The following PRKAR2A variants were observed in gnomAD, a reference collection of about 807,000 sequenced individuals.
The protein encoded by PRKAR2A is cAMP-dependent protein kinase type II-alpha regulatory subunit.
Under a neutral mutation model 51.9 loss-of-function variants are expected in PRKAR2A, and 29 were observed. The observed-to-expected ratio is 0.56, with a 90% CI of 0.42 to 0.76. PRKAR2A has a LOEUF of 0.76. Among genes scored for constraint, PRKAR2A ranks in the 30% least tolerant of loss-of-function variants. PRKAR2A has a pLI of 0.00. For missense variants in PRKAR2A, 445 were observed against 512.1 expected (o/e 0.87, Z 1.26); for synonymous variants, 178 against 186.2 (o/e 0.96, Z 0.36).
intron 2 of PRKAR2A, among the ~76,000 whole-genome samples, chr3:48,805,176 G>C (rs2082653578): frequency 1.3e-5 from 2 of 152,116 alleles, no homozygotes; most frequent in African/African-American, 4.8e-5. Flanking sequence ...GTCTCCCAAA[G>C]TGCTGGGATT....
chr3:48,797,272 G>A (rs1204157273), intron 2 of PRKAR2A, among the ~76,000 whole-genome samples: 2 of 152,014 alleles, frequency 1.3e-5, no homozygotes, highest in African/African-American at 4.8e-5. Flanking sequence ...AGGTTCAAGT[G>A]ATTCTCCTGC....
chr3:48,795,072 G>A (rs2082468846), intron 2 of PRKAR2A, among the ~76,000 whole-genome samples: 2 of 151,968 alleles, frequency 1.3e-5, no homozygotes, highest in African/African-American at 4.8e-5. Context: ...CGCCTCTCAG[G>A]TTCACACCAT....
At chr3:48,752,916 CTTTTTTTTTTTTTTTTTTT>C (rs59163654) in intron 9 of PRKAR2A, among the ~76,000 whole-genome samples, 31 of 47,552 alleles carry the variant, frequency 6.5e-4, no homozygotes, top group African/African-American at 2.7e-3. Context: ...TTCCCTCCTC[CTTTTTTTTTTTTTTTTTTT>C]TTTTTTTTTT....
At chr3:48,769,157 C>CTTTTTTTTT (rs200382765) in intron 6 of PRKAR2A, among the ~76,000 whole-genome samples, 11 of 136,306 alleles carry the variant, frequency 8.1e-5, no homozygotes, top group Non-Finnish European at 1.1e-4. Flanking sequence ...AAATATCTTT[C>CTTTTTTTTT]TTTTTTTTTT....
In PRKAR2A at chr3:48,750,151, G is replaced by A. The variant is rs983207826; in HGVS notation, c.*1434C>T. ...GGCTGAGGTGGGCGGATCACCTGAGGTTGGGAGTTTGAGACCAGCCTGACC... is the reference window on the plus strand; with the variant it reads ...GGCTGAGGTGGGCGGATCACCTGAGATTGGGAGTTTGAGACCAGCCTGACC... On this transcript the variant is annotated 3_prime_UTR_variant, in exon 11 of 11. Coordinates refer to ENST00000265563, the MANE Select transcript of PRKAR2A (RefSeq NM_004157.4). The A allele has an allele frequency of 2.6e-5, 4 of 152,074 alleles. No homozygotes were observed. The highest frequency in any genetic ancestry group is 2.6e-4 in the Admixed American group (4 of 15,258). 9.4% of individuals were successfully genotyped at this position (152,074 alleles called of 1,614,324 possible). A position where few individuals can be genotyped will look rare whatever the true frequency, so the allele number is the denominator to read the frequency against.
Position 48,794,054 on chromosome 3 carries a change from A to C in PRKAR2A, c.299-5T>G, listed in dbSNP as rs1192128499. The C allele has an allele frequency of 1.9e-6, 3 of 1,594,344 alleles. No homozygotes were observed. The East Asian group carries it at 6.7e-5, about 36-fold the overall frequency. On this transcript the variant is annotated splice_region_variant and splice_polypyrimidine_tract_variant and intron_variant, in intron 2 of 10. Transcript: ENST00000265563. ...GGTTATAGGTCTCAGCACAGACTAA[A>C]ATTGGAGAGAAAAAAACAAAAAGAA...
chr3:48,775,300 G>T (rs573058482), intron 5 of PRKAR2A, among the ~76,000 whole-genome samples: 92 of 151,582 alleles, frequency 6.1e-4, no homozygotes, highest in African/African-American at 2.2e-3. Flanking sequence ...TTAGCTGGGC[G>T]GGTAGCGGGT....
chr3:48,829,850 T>C (rs1225199576), intron 1 of PRKAR2A, among the ~76,000 whole-genome samples: 1 of 79,970 alleles, frequency 1.3e-5, no homozygotes, highest in African/African-American at 6.3e-5. Context: ...CGTGTGTGTA[T>C]ATATATATAT....
At chr3:48,795,148 C>G (rs2082470093) in intron 2 of PRKAR2A, among the ~76,000 whole-genome samples, 1 of 151,952 alleles carries the variant, frequency 6.6e-6, no homozygotes, top group Non-Finnish European at 1.5e-5. Flanking sequence ...GGCTAATTTT[C>G]TTTATTTTTA....
chr3:48,798,663 A>ATT (rs35860456), intron 2 of PRKAR2A, among the ~76,000 whole-genome samples: 143 of 138,790 alleles, frequency 1.0e-3, no homozygotes, highest in Non-Finnish European at 1.7e-3. Context: ...TTCCTTTTTA[A>ATT]TTTTTTTTTT....
chr3:48,847,237 G>T lies in PRKAR2A; in HGVS notation c.262+98C>A. 1 of 1,429,912 alleles carries T rather than the reference G, an allele frequency of 7.0e-7. No homozygotes were observed. The highest frequency in any genetic ancestry group is 1.5e-5 in the African/African-American group (1 of 68,690). The allele number at this position is 1,429,912 out of a possible 1,614,324, so 88.6% of individuals were successfully genotyped here. On this transcript the variant is annotated intron_variant, in intron 1 of 10. Coordinates refer to ENST00000265563, the MANE Select transcript of PRKAR2A (RefSeq NM_004157.4). This position sits in a 1 kb window ranked among gnomAD's most constrained non-coding sequence, Gnocchi z 4.4. Reference sequence around the variant, plus strand: ...TACAGAGCTCCCAATCCCAGCCTGCGGTCGGCTTGGCTGCGGCGCGACACC... The same window carrying T: ...TACAGAGCTCCCAATCCCAGCCTGCTGTCGGCTTGGCTGCGGCGCGACACC...
chr3:48,844,978 A>G (rs1280661854), intron 1 of PRKAR2A, among the ~76,000 whole-genome samples: 1 of 152,088 alleles, frequency 6.6e-6, no homozygotes, highest in East Asian at 1.9e-4. Flanking sequence ...CTTAAAGTAT[A>G]ATAAAAAAGA....
intron 1 of PRKAR2A, among the ~76,000 whole-genome samples, chr3:48,814,913 T>C (rs1215269115): frequency 6.6e-6 from 1 of 152,172 alleles, no homozygotes; most frequent in Non-Finnish European, 1.5e-5. Context: ...TCTTTTTGTT[T>C]GTTTTGTTTT....
chr3:48,804,630 G>C (rs1174052118), intron 2 of PRKAR2A, among the ~76,000 whole-genome samples: 1 of 152,142 alleles, frequency 6.6e-6, no homozygotes, highest in Admixed American at 6.6e-5. Context: ...CAGCAAAGGA[G>C]GTGAGAAGAC....
At chr3:48,795,958 T>A (rs1006970615) in intron 2 of PRKAR2A, among the ~76,000 whole-genome samples, 1 of 152,194 alleles carries the variant, frequency 6.6e-6, no homozygotes, top group Non-Finnish European at 1.5e-5. Context: ...AATGGAGATA[T>A]CGATACAAAT....
intron 3 of PRKAR2A, among the ~76,000 whole-genome samples, chr3:48,791,592 CAA>C (rs35978535): frequency 4.8e-5 from 2 of 41,814 alleles, no homozygotes; most frequent in African/African-American, 1.1e-4. Context: ...GATTCCGTCT[CAA>C]AAAAAAAAAA....
At chr3:48,818,899 T>C (rs1400102610) in intron 1 of PRKAR2A, among the ~76,000 whole-genome samples, 1 of 152,212 alleles carries the variant, frequency 6.6e-6, no homozygotes, top group Non-Finnish European at 1.5e-5. Context: ...ATCATAGTTT[T>C]GTGGAGGGTT....
At chr3:48,834,461 G>T (rs1351004926) in intron 1 of PRKAR2A, among the ~76,000 whole-genome samples, 6 of 152,128 alleles carry the variant, frequency 3.9e-5, no homozygotes, top group Non-Finnish European at 8.8e-5. Context: ...AAGGCTGGGC[G>T]CAGTGGTTCA....
intron 1 of PRKAR2A, among the ~76,000 whole-genome samples, chr3:48,813,191 T>C (rs554818714): frequency 6.8e-6 from 1 of 147,692 alleles, no homozygotes; most frequent in African/African-American, 2.5e-5. Flanking sequence ...GACCAAGGGT[T>C]CGAGACCAAC....
Sources: allele counts gnomAD v4.1 joint callset (sites outside exome capture counted in the v4.1 genomes callset), GRCh38; gene constraint gnomAD v4.1.1; non-coding constraint Gnocchi (gnomAD v3.1); transcripts MANE v1.5; gene names NCBI Gene and HGNC (gene_info 2026-07-23, HGNC 2026-07-21).